Variants in ADCY5 observed in about 807,000 individuals in gnomAD.
ADCY5 encodes the protein adenylate cyclase type 5.
A neutral mutation model predicts 119.7 loss-of-function variants in ADCY5; 30 were observed. The observed-to-expected ratio is 0.25, with a 90% CI of 0.19 to 0.34. The LOEUF is 0.34. ADCY5 is among the 10% of genes least tolerant of loss of function. The pLI is 1.00. For missense variants in ADCY5, 1,324 were observed against 1,775.2 expected (o/e 0.75, Z 4.57); for synonymous variants, 753 against 762.2 (o/e 0.99, Z 0.20).
chr3:123,393,855 G>A (rs1243262619), intron 1 of ADCY5, among the ~76,000 whole-genome samples: 8 of 150,954 alleles, frequency 5.3e-5, no homozygotes, highest in African/African-American at 9.7e-5. Context: ...TTAAGATAGC[G>A]GCTGGGCGCG....
intron 1 of ADCY5, among the ~76,000 whole-genome samples, chr3:123,408,344 TG>T (rs754378108): frequency 5.5e-4 from 79 of 144,836 alleles, no homozygotes; most frequent in Middle Eastern, 3.5e-3. Context: ...TTACGTTTTT[TG>T]TTTTTTTTTT....
intron 19 of ADCY5, among the ~76,000 whole-genome samples, chr3:123,288,261 C>A (rs2108172650): frequency 6.6e-6 from 1 of 152,354 alleles, no homozygotes; most frequent in South Asian, 2.1e-4. Context: ...GGTTTTTAGT[C>A]ATCCAATATT....
At chr3:123,311,395 C>A (rs992977699) in intron 12 of ADCY5, among the ~76,000 whole-genome samples, 1 of 152,152 alleles carries the variant, frequency 6.6e-6, no homozygotes, top group South Asian at 2.1e-4. Context: ...ACATTCACAG[C>A]GGGGAAGAAG....
At chr3:123,427,888 A>G (rs146055442) in intron 1 of ADCY5, among the ~76,000 whole-genome samples, 66 of 152,340 alleles carry the variant, frequency 4.3e-4, no homozygotes, top group African/African-American at 1.5e-3. Flanking sequence ...CATGGTAGAT[A>G]TTTGTTAAAT....
In ADCY5 at chr3:123,331,906, G is replaced by A. The variant is rs144881599; in HGVS notation, c.1518+658C>T. 1.9e-3 allele frequency among the ~76,000 whole-genome samples: 290 copies of A among 152,250 alleles called. 1 individual carries two copies. The highest frequency in any genetic ancestry group is 6.8e-3 in the Middle Eastern group (2 of 294). On this transcript the variant is annotated intron_variant, in intron 4 of 20. Transcript: ENST00000462833. ...GGCACCAGCCTCTCATCAATAACCC[G>A]GCCTGGCGTCCTGTGTGGGCCAAGG...
chr3:123,353,125 G>T (rs549659005), intron 1 of ADCY5, among the ~76,000 whole-genome samples: 15 of 152,294 alleles, frequency 9.8e-5, no homozygotes, highest in Admixed American at 2.6e-4. Flanking sequence ...GCCACAGTGG[G>T]TCTCCACTCC....
chr3:123,300,062 T>C, intron 15 of ADCY5, 58 bp downstream of exon 15: 1 of 1,578,720 alleles, frequency 6.3e-7, no homozygotes, highest in East Asian at 2.2e-5. Flanking sequence ...CTCCTGCTCT[T>C]GCCACCTCCC....
chr3:123,331,127 G>T, intron 4 of ADCY5, 111 bp from the exon 5 acceptor site: 1 of 1,266,756 alleles, frequency 7.9e-7, no homozygotes, highest in Non-Finnish European at 1.1e-6. Flanking sequence ...TTGCCTTTTA[G>T]GGCAGTGAGC....
At chr3:123,423,016 T>A (rs1236994889) in intron 1 of ADCY5, among the ~76,000 whole-genome samples, 1 of 152,166 alleles carries the variant, frequency 6.6e-6, no homozygotes, top group Non-Finnish European at 1.5e-5. Context: ...CAGGAGAGAC[T>A]TCCCTGCACC....
chr3:123,447,553 C>A lies in ADCY5; in HGVS notation c.993G>T (p.Trp331Cys). The A allele has an allele frequency of 1.2e-6, 2 of 1,609,376 alleles. No individual in the cohort carries two copies. The highest frequency in any genetic ancestry group is 2.2e-5 in the South Asian group (2 of 90,936). The change falls in exon 1 of 21, where the codon TGG becomes TGT. Residue 331 changes from tryptophan (W) to cysteine (C), a missense_variant. By Grantham distance (215) the Trp-to-Cys change is radical. Transcript: ENST00000462833. ...QPRSASEGIW[W>C]TVFFIYTIYT... ...AGATGGTGTAGATGAAGAACACGGT[C>A]CACCAGATGCCCTCAGAGGCGCTGC...
At chr3:123,368,041 G>A in intron 1 of ADCY5, 1 of 1,472,516 alleles carries the variant, frequency 6.8e-7, no homozygotes, top group Non-Finnish European at 8.9e-7. Context: ...GGGCCCCAGA[G>A]ATTGCCTGGG....
chr3:123,326,239 C>T (rs1344792344), intron 7 of ADCY5, among the ~76,000 whole-genome samples: 4 of 152,206 alleles, frequency 2.6e-5, no homozygotes, highest in African/African-American at 4.8e-5. Flanking sequence ...AGGCATTGTA[C>T]AAATACACAG....
At chr3:123,434,489 C>G (rs1238955676) in intron 1 of ADCY5, among the ~76,000 whole-genome samples, 2 of 152,218 alleles carry the variant, frequency 1.3e-5, no homozygotes, top group Non-Finnish European at 2.9e-5. Context: ...CTCTAGGCCC[C>G]AAAGCCAATG....
chr3:123,429,490 T>A lies in ADCY5; in HGVS notation c.1134+17922A>T, dbSNP rs78265895. On this transcript the variant is annotated intron_variant, in intron 1 of 20. Coordinates refer to ENST00000462833, the MANE Select transcript of ADCY5 (RefSeq NM_183357.3). ...CCTCTCCTCAGAGCAGAAGGCAAAG[T>A]AAGCTCCCTCATCTCAGGAGCACGA... is the stretch of plus-strand genomic sequence containing the variant. Among the ~76,000 whole-genome samples, 2,701 of 152,032 alleles carry A rather than the reference T, an allele frequency of 0.018. 88 individuals are homozygous for A. The East Asian group carries it at 0.18, about 10-fold the overall frequency.
At chr3:123,420,418 C>T (rs1437252750) in intron 1 of ADCY5, 1 of 152,210 alleles carries the variant, frequency 6.6e-6, no homozygotes, top group African/African-American at 2.4e-5. Flanking sequence ...TTTGTTACCT[C>T]CTTTCTCCTT....
At chr3:123,330,568 C>T (rs1486869276) in intron 5 of ADCY5, among the ~76,000 whole-genome samples, 2 of 152,166 alleles carry the variant, frequency 1.3e-5, no homozygotes, top group Non-Finnish European at 2.9e-5. Context: ...CATGAGGCCC[C>T]GGAAGTGCAA....
intron 1 of ADCY5, among the ~76,000 whole-genome samples, chr3:123,442,340 T>C (rs997879611): frequency 1.3e-5 from 2 of 152,202 alleles, no homozygotes; most frequent in Non-Finnish European, 2.9e-5. Context: ...CAGGTCCCAG[T>C]TTGGTGAGGA....
intron 17 of ADCY5, among the ~76,000 whole-genome samples, chr3:123,293,116 G>A (rs1048121502): frequency 2.0e-5 from 3 of 152,222 alleles, no homozygotes; most frequent in African/African-American, 7.2e-5. Flanking sequence ...AGGAAGGTTC[G>A]GGGGGCTACA....
intron 3 of ADCY5, among the ~76,000 whole-genome samples, chr3:123,336,850 T>C (rs1559817532): frequency 6.6e-6 from 1 of 152,180 alleles, no homozygotes; most frequent in Non-Finnish European, 1.5e-5. Flanking sequence ...CTTGTCACAC[T>C]AGACCATATG....
Sources: gnomAD v4.1 joint callset for allele counts (sites outside exome capture counted in the v4.1 genomes callset) on GRCh38, gnomAD v4.1.1 for gene constraint, MANE v1.5 for transcripts, NCBI Gene and HGNC (gene_info 2026-07-23, HGNC 2026-07-21) for gene names.